The following TENM3 variants were observed in gnomAD, a reference collection of about 807,000 sequenced individuals.
The protein encoded by TENM3 is teneurin transmembrane protein 3.
Under a neutral mutation model 255.1 loss-of-function variants are expected in TENM3, and 63 were observed. That is an observed-to-expected ratio of 0.25 (90% CI 0.20 to 0.30). TENM3 has a LOEUF of 0.30. TENM3 is among the 10% of genes least tolerant of loss of function. The pLI is 1.00. For synonymous variants in TENM3, 1,306 were observed against 1,322.3 expected (o/e 0.99, Z 0.27); for missense variants, 2,929 against 3,461.1 (o/e 0.85, Z 3.86).
At chr4:181,849,947 T>TCA in the TENM3 span, among the ~76,000 whole-genome samples, 37 of 26,148 alleles carry the variant, frequency 1.4e-3, no homozygotes, top group African/African-American at 2.3e-3. Flanking sequence ...TCTCTCTCTC[T>TCA]CTCACACACA....
At position 182,203,377 on chromosome 4, in the gene TENM3, G is replaced by A. The variant is rs904625924; in HGVS notation, c.-76+58623G>A. ...TTAGGGCATTGGAGAGAAAGATTAA[G>A]TGTTAGCTTCCTTCACCATCCCCTG... On this transcript the variant is annotated intron_variant, in intron 1 of 2. Coordinates refer to the TENM3 transcript ENST00000512480. Among the ~76,000 whole-genome samples, 7 of 152,306 alleles carry A rather than the reference G, an allele frequency of 4.6e-5. No individual in the cohort carries two copies. The South Asian group carries it at 1.5e-3, about 32-fold the overall frequency.
chr4:181,926,678 A>G, the TENM3 span, among the ~76,000 whole-genome samples: 1 of 152,076 alleles, frequency 6.6e-6, no homozygotes. Context: ...ATTGCTTATA[A>G]CTTTTTAAAT....
intron 3 of TENM3, among the ~76,000 whole-genome samples, chr4:182,377,040 C>T (rs573028312): frequency 6.6e-6 from 1 of 152,090 alleles, no homozygotes; most frequent in Non-Finnish European, 1.5e-5. Flanking sequence ...CAGTGTAATC[C>T]GTCCGCACTG....
the TENM3 span, among the ~76,000 whole-genome samples, chr4:181,817,939 G>A: frequency 1.3e-5 from 2 of 152,192 alleles, no homozygotes. Context: ...GTTTTACAAA[G>A]TCCAGTGTTT....
chr4:182,486,215 G>T (rs1288030995), intron 3 of TENM3, among the ~76,000 whole-genome samples: 1 of 149,852 alleles, frequency 6.7e-6, no homozygotes, highest in Non-Finnish European at 1.5e-5. Flanking sequence ...AAGCATCCAG[G>T]CTTTTAAAAA....
At chr4:181,581,702 T>C in the TENM3 span, among the ~76,000 whole-genome samples, 1 of 151,706 alleles carries the variant, frequency 6.6e-6, no homozygotes, top group South Asian at 2.1e-4. Context: ...TTCCTCCAGG[T>C]TTCCCTCTTT....
chr4:182,504,841 A>G (rs1175119290), intron 3 of TENM3, among the ~76,000 whole-genome samples: 2 of 152,110 alleles, frequency 1.3e-5, no homozygotes. Flanking sequence ...GTTTCAGTAA[A>G]TTGTTCTGCA....
At chr4:182,103,964 T>C in the TENM3 span, among the ~76,000 whole-genome samples, 1 of 152,218 alleles carries the variant, frequency 6.6e-6, no homozygotes, top group Non-Finnish European at 1.5e-5. Flanking sequence ...TCCAGGTGTC[T>C]TAATGTAAAT....
intron 3 of TENM3, among the ~76,000 whole-genome samples, chr4:182,474,877 A>G (rs975632116): frequency 6.6e-6 from 1 of 151,944 alleles, no homozygotes; most frequent in Admixed American, 6.6e-5. Flanking sequence ...CTTTGCATTT[A>G]ACCTTCCCAT....
At chr4:181,989,142 T>A in the TENM3 span, among the ~76,000 whole-genome samples, 1 of 152,078 alleles carries the variant, frequency 6.6e-6, no homozygotes, top group Non-Finnish European at 1.5e-5. Context: ...GTACGTGGTC[T>A]CCAGGAGCCA....
intron 3 of TENM3, 103 bp downstream of exon 3, chr4:182,347,032 C>T: frequency 1.0e-6 from 1 of 975,360 alleles, no homozygotes; most frequent in South Asian, 1.8e-5. Context: ...TTCCTCTCAT[C>T]CTTCTTTCTC....
intron 6 of TENM3, among the ~76,000 whole-genome samples, chr4:182,666,467 C>A (rs1754690862): frequency 6.6e-6 from 1 of 152,216 alleles, no homozygotes; most frequent in African/African-American, 2.4e-5. Context: ...CCTTCAGCAA[C>A]CACCACCTTG....
At chr4:182,069,915 T>C in the TENM3 span, among the ~76,000 whole-genome samples, 2 of 152,342 alleles carry the variant, frequency 1.3e-5, no homozygotes, top group East Asian at 1.9e-4. Context: ...ATTATAATAC[T>C]ACAGCATGAT....
the TENM3 span, among the ~76,000 whole-genome samples, chr4:181,683,682 G>T: frequency 4.7e-4 from 71 of 152,146 alleles, 1 homozygote; most frequent in Admixed American, 2.0e-3. Context: ...CAAGGCGATG[G>T]TCTAGGAGAG....
intron 4 of TENM3, among the ~76,000 whole-genome samples, chr4:182,624,792 G>C (rs1358794325): frequency 1.3e-5 from 2 of 152,118 alleles, no homozygotes; most frequent in African/African-American, 4.8e-5. Context: ...TGAGGCAGAG[G>C]AAACACAGAA....
intron 12 of TENM3, among the ~76,000 whole-genome samples, chr4:182,703,784 G>A (rs9784414): frequency 0.78 from 119,366 of 152,152 alleles, 47,113 homozygotes; most frequent in East Asian, 0.89. Flanking sequence ...TTTTTCATAC[G>A]TAAAAGTGTT....
the TENM3 span, among the ~76,000 whole-genome samples, chr4:182,002,179 CTT>C: frequency 6.6e-6 from 1 of 152,090 alleles, no homozygotes; most frequent in African/African-American, 2.4e-5. Context: ...GAAGGAAACT[CTT>C]TCAAAAATAG....
chr4:181,885,443 A>G, the TENM3 span, among the ~76,000 whole-genome samples: 6 of 152,126 alleles, frequency 3.9e-5, no homozygotes, highest in African/African-American at 1.2e-4. Flanking sequence ...TTATATTTTT[A>G]GTAGAGACAG....
Position 182,398,668 on chromosome 4 carries a change from G to A in TENM3, c.511+51739G>A, listed in dbSNP as rs983387455. Among the ~76,000 whole-genome samples, 8 of 152,224 alleles carry A rather than the reference G, an allele frequency of 5.3e-5. No homozygotes were observed. The South Asian group carries it at 1.0e-3, about 20-fold the overall frequency. Reference sequence around the variant, plus strand: ...AACAGGGGTGTTACAGGCATGGAACGTGGAGGAAAGGCAGATGCCACATTT... The same window carrying A: ...AACAGGGGTGTTACAGGCATGGAACATGGAGGAAAGGCAGATGCCACATTT... On this transcript the variant is annotated intron_variant, in intron 3 of 27. Transcript: ENST00000511685.
Sources: gnomAD v4.1 joint callset for allele counts (sites outside exome capture counted in the v4.1 genomes callset) on GRCh38, gnomAD v4.1.1 for gene constraint, MANE v1.5 for transcripts, NCBI Gene and HGNC (gene_info 2026-07-23, HGNC 2026-07-21) for gene names.